Variants in DIAPH2 observed in about 807,000 individuals in gnomAD.
DIAPH2 encodes the protein protein diaphanous homolog 2.
A neutral mutation model predicts 92.7 loss-of-function variants in DIAPH2; 35 were observed. That is an observed-to-expected ratio of 0.38 (90% CI 0.29 to 0.50). The LOEUF (loss-of-function observed/expected upper bound fraction) is 0.50, where lower values mean the gene tolerates loss of function less well. DIAPH2 is among the 20% of genes least tolerant of loss of function. DIAPH2 has a pLI of 0.94. For missense variants in DIAPH2, 701 were observed against 819.5 expected (o/e 0.86, Z 1.77); for synonymous variants, 301 against 280.4 (o/e 1.07, Z -0.73).
chrX:96,838,524 C>A, intron 4 of DIAPH2, among the ~76,000 whole-genome samples: 1 of 111,732 alleles, frequency 8.9e-6, no homozygotes, highest in Non-Finnish European at 1.9e-5. Context: ...AAAATTACAC[C>A]ATTTATGTTA....
At chrX:97,230,125 A>G (rs1030530844) in intron 22 of DIAPH2, among the ~76,000 whole-genome samples, 1 of 110,553 alleles carries the variant, frequency 9.0e-6, no homozygotes, top group Non-Finnish European at 1.9e-5. Flanking sequence ...CTCTATTTGG[A>G]GTTAAAGCAG....
intron 4 of DIAPH2, among the ~76,000 whole-genome samples, chrX:96,806,472 C>A (rs1207882922): frequency 1.0e-4 from 11 of 106,905 alleles, no homozygotes; most frequent in African/African-American, 3.1e-4. Context: ...CATGGAGAAA[C>A]CCTGTCTCTA....
chrX:97,186,368 T>G (rs2067604911), intron 22 of DIAPH2, among the ~76,000 whole-genome samples: 1 of 112,081 alleles, frequency 8.9e-6, no homozygotes, highest in African/African-American at 3.2e-5. Context: ...TTAATTTAAT[T>G]TTTAAACCAA....
chrX:97,155,532 T>C (rs1225148760), intron 22 of DIAPH2, among the ~76,000 whole-genome samples: 1 of 111,006 alleles, frequency 9.0e-6, no homozygotes, highest in African/African-American at 3.3e-5. Flanking sequence ...TGTGGAATAT[T>C]ATACAGTGTT....
intron 18 of DIAPH2, among the ~76,000 whole-genome samples, 171 bp from the exon 19 acceptor site, chrX:97,074,996 A>G (rs1464172017): frequency 8.9e-6 from 1 of 112,015 alleles, no homozygotes; most frequent in African/African-American, 3.2e-5. Flanking sequence ...CATTTTGTCT[A>G]GATGGATAGA....
At chrX:97,192,917 C>A (rs960454822) in intron 22 of DIAPH2, among the ~76,000 whole-genome samples, 1 of 110,789 alleles carries the variant, frequency 9.0e-6, no homozygotes, top group East Asian at 2.8e-4. Context: ...AGAACCTACA[C>A]ATTCATATTC....
intron 17 of DIAPH2, among the ~76,000 whole-genome samples, chrX:97,002,990 C>T (rs1282562734): frequency 9.0e-6 from 1 of 111,650 alleles, no homozygotes; most frequent in Non-Finnish European, 1.9e-5. Flanking sequence ...TATCTATCTC[C>T]ATGACTTCAA....
intron 23 of DIAPH2, among the ~76,000 whole-genome samples, chrX:97,307,746 T>A (rs1293443398): frequency 9.2e-6 from 1 of 108,459 alleles, no homozygotes; most frequent in Non-Finnish European, 1.9e-5. Flanking sequence ...CCATCTCTAC[T>A]AAAAATACAA....
intron 20 of DIAPH2, among the ~76,000 whole-genome samples, chrX:97,103,771 A>G (rs1277762456): frequency 1.8e-5 from 2 of 112,119 alleles, no homozygotes; most frequent in Admixed American, 1.9e-4. Flanking sequence ...AAGCTACAGC[A>G]TTAACTTCTT....
At chrX:97,248,522 TGTCTAAAGATAAACTAC>T (rs1359053472) in intron 23 of DIAPH2, among the ~76,000 whole-genome samples, 1 of 111,691 alleles carries the variant, frequency 9.0e-6, no homozygotes, top group Non-Finnish European at 1.9e-5. Context: ...TTAAATCTGG[TGTCTAAAGATAAACTAC>T]ATTAGACCTG....
At chrX:97,168,276 C>T (rs1433315989) in intron 22 of DIAPH2, among the ~76,000 whole-genome samples, 3 of 108,833 alleles carry the variant, frequency 2.8e-5, no homozygotes, top group Admixed American at 9.9e-5. Flanking sequence ...TTAGTAGTGA[C>T]GGGGTTTTAC....
chrX:96,991,239 C>T (rs1403128130), intron 17 of DIAPH2, among the ~76,000 whole-genome samples: 5 of 110,182 alleles, frequency 4.5e-5, no homozygotes, highest in South Asian at 3.9e-4. Flanking sequence ...CTCAGCCTCC[C>T]AAGTAGCTGG....
At chrX:97,037,334 G>A (rs750760118) in intron 17 of DIAPH2, among the ~76,000 whole-genome samples, 4 of 110,982 alleles carry the variant, frequency 3.6e-5, no homozygotes, top group East Asian at 5.7e-4. Flanking sequence ...GCTGCCTGTC[G>A]AAGCACTTTT....
At chrX:97,554,840 T>C (rs1390973666) in intron 26 of DIAPH2, among the ~76,000 whole-genome samples, 1 of 112,078 alleles carries the variant, frequency 8.9e-6, no homozygotes, top group Non-Finnish European at 1.9e-5. Context: ...AAGTAAGTGA[T>C]AGCACTTACT....
At chrX:96,881,052 C>G (rs2065209697) in intron 4 of DIAPH2, among the ~76,000 whole-genome samples, 2 of 111,737 alleles carry the variant, frequency 1.8e-5, no homozygotes, top group Non-Finnish European at 3.8e-5. Flanking sequence ...AATTAACATG[C>G]TAATTGGAGA....
At chrX:96,816,580 C>G (rs1327548008) in intron 4 of DIAPH2, among the ~76,000 whole-genome samples, 2 of 112,034 alleles carry the variant, frequency 1.8e-5, no homozygotes, top group Non-Finnish European at 3.8e-5. Flanking sequence ...ATAACAAATG[C>G]TGGTGATGAT....
intron 23 of DIAPH2, among the ~76,000 whole-genome samples, chrX:97,334,960 G>A (rs1009889341): frequency 1.1e-4 from 9 of 80,058 alleles, no homozygotes; most frequent in Non-Finnish European, 2.0e-4. Context: ...CAGCCGAGGC[G>A]ACAGTGCAAG....
intron 1 of DIAPH2, among the ~76,000 whole-genome samples, chrX:96,685,581 G>C (rs191479780): frequency 6.2e-5 from 7 of 112,362 alleles, no homozygotes; most frequent in Non-Finnish European, 1.1e-4. Flanking sequence ...CGTAGGGTCC[G>C]GGGCAGGGGA....
intron 22 of DIAPH2, among the ~76,000 whole-genome samples, chrX:97,148,604 C>A (rs1227029606): frequency 9.0e-6 from 1 of 110,926 alleles, no homozygotes; most frequent in Non-Finnish European, 1.9e-5. Flanking sequence ...CAATCTATGG[C>A]CATACCAACC....
Sources: allele counts gnomAD v4.1 joint callset (sites outside exome capture counted in the v4.1 genomes callset), GRCh38; gene constraint gnomAD v4.1.1; transcripts MANE v1.5; gene names NCBI Gene and HGNC (gene_info 2026-07-23, HGNC 2026-07-21).